Variants in TLR4 observed in about 807,000 individuals in gnomAD.
The protein encoded by TLR4 is toll like receptor 4, also known as toll-like receptor 4.
Under a neutral mutation model 27.4 loss-of-function variants are expected in TLR4, and 17 were observed. The observed-to-expected ratio is 0.62, with a 90% CI of 0.42 to 0.93. The LOEUF is 0.93. Ranked by LOEUF, TLR4 falls within the 40% of genes least tolerant of loss-of-function variation. The pLI is 0.00. For missense variants in TLR4, 926 were observed against 962.3 expected (o/e 0.96, Z 0.50); for synonymous variants, 363 against 365.7 (o/e 0.99, Z 0.08).
Position 117,716,389 on chromosome 9 carries a change from AGGG to A in TLR4, c.*1744_*1746del, listed in dbSNP as rs901381428. 1 of 152,218 alleles carries A rather than the reference AGGG, an allele frequency of 6.6e-6. No homozygotes were observed. The highest frequency in any genetic ancestry group is 2.4e-5 in the African/African-American group (1 of 41,456). 9.4% of individuals were successfully genotyped at this position (152,218 alleles called of 1,614,324 possible). ...ATGGGATATTATTCAGCCTAAAAAA[AGGG>A]GGAATCCTGTTATTTATGACAACAT... is the stretch of plus-strand genomic sequence containing the variant. On this transcript the variant is annotated 3_prime_UTR_variant, in exon 3 of 3. Transcript: ENST00000355622.
chr9:117,718,693 G>C lies in TLR4; in HGVS notation c.*4045G>C, dbSNP rs1052459896. 1.3e-5 allele frequency: 2 copies of C among 152,098 alleles called. No individual in the cohort carries two copies. The highest frequency in any genetic ancestry group is 4.8e-5 in the African/African-American group (2 of 41,420). 9.4% of individuals were successfully genotyped at this position (152,098 alleles called of 1,614,324 possible). On this transcript the variant is annotated 3_prime_UTR_variant, in exon 3 of 3. Transcript: ENST00000355622. ...AAGAATAGAACTATGACTTTGTAAG[G>C]TTGCTCTAAGGATTGAAAATCATGT...
Position 117,712,787 on chromosome 9 carries a change from C to T in TLR4, c.659C>T (p.Pro220Leu). ...LSLNPMNFIQ[P>L]GAFKEIRLHK... ...CTGAACCCTATGAACTTTATCCAAC[C>T]AGGTGCATTTAAAGAAATTAGGCTT... The change falls in exon 3 of 3, where the codon CCA (proline) becomes CTA (leucine). Residue 220 changes from proline to leucine, a missense_variant. Coordinates refer to ENST00000355622, the MANE Select transcript of TLR4 (RefSeq NM_138554.5). 6.2e-7 allele frequency: 1 copy of T among 1,614,014 alleles called. No individual in the cohort carries two copies. The highest frequency in any genetic ancestry group is 2.2e-5 in the East Asian group (1 of 44,868).
Position 117,714,012 on chromosome 9 carries a change from G to C in TLR4, c.1884G>C (p.Gln628His). Reference protein sequence around the residue: ...MPVLSLNITCQMNKTIIGVSV... With the variant: ...MPVLSLNITCHMNKTIIGVSV... ...TGCTGAGTTTGAATATCACCTGTCAGATGAATAAGACCATCATTGGTGTGT... is the reference window on the plus strand; with the variant it reads ...TGCTGAGTTTGAATATCACCTGTCACATGAATAAGACCATCATTGGTGTGT... Residue 628 changes from glutamine to histidine, a missense_variant, in exon 3 of 3, where the codon CAG becomes CAC. By Grantham distance (24) the Gln-to-His change is conservative. Transcript: ENST00000355622. The C allele has an allele frequency of 6.2e-7, 1 of 1,613,946 alleles. No homozygotes were observed. Among genetic ancestry groups the C allele is most frequent in the East Asian group, 2.2e-5 (1 of 44,824 alleles).
At chr9:117,712,269 A>T in intron 2 of TLR4, 120 bp from the exon 3 acceptor site, 1 of 1,003,520 alleles carries the variant, frequency 1.0e-6, no homozygotes, top group Admixed American at 2.0e-5. Flanking sequence ...GTCTTTGCCT[A>T]TGCACAATCA....
Position 117,718,203 on chromosome 9 carries a change from T to A in TLR4, c.*3555T>A, listed in dbSNP as rs1255709552. ...GTAGGAAAGTGACAAAACCTGAGCC[T>A]GGGCCTCCAGGTCACTCAAGGACAC... On this transcript the variant is annotated 3_prime_UTR_variant, in exon 3 of 3. Transcript: ENST00000355622. The A allele has an allele frequency of 5.3e-5, 8 of 152,136 alleles. No homozygotes were observed. The highest frequency in any genetic ancestry group is 5.2e-4 in the Admixed American group (8 of 15,250). 9.4% of individuals were successfully genotyped at this position (152,136 alleles called of 1,614,324 possible).
rs201651459 is a variant in TLR4, at chr9:117,708,741, A to G, written c.260+12A>G. 31 of 1,613,288 alleles carry G rather than the reference A, an allele frequency of 1.9e-5. No homozygotes were observed. Among genetic ancestry groups the G allele is most frequent in the Non-Finnish European group, 2.3e-5 (27 of 1,179,620 alleles). The stretch of plus-strand genomic sequence containing the variant: ...CTGGATTTATCCAGGTAATGAATCC[A>G]CTTTTACATACTGCACAAGGTGAGG... On this transcript the variant is annotated intron_variant, in intron 2 of 2. Coordinates refer to ENST00000355622, the MANE Select transcript of TLR4 (RefSeq NM_138554.5).
intron 2 of TLR4, among the ~76,000 whole-genome samples, chr9:117,712,101 ATTGATCTT>A (rs1319783198): frequency 1.3e-5 from 2 of 152,166 alleles, no homozygotes; most frequent in African/African-American, 2.4e-5. Flanking sequence ...TATGTCAATT[ATTGATCTT>A]TAACTGATTT....
Position 117,704,533 on chromosome 9 carries a change from G to A in TLR4, c.61G>A (p.Val21Met), listed in dbSNP as rs112840323. The change falls in exon 1 of 3, where the codon GTG becomes ATG. Residue 21 changes from valine (V) to methionine (M), a missense_variant. Physicochemically the swap from Val to Met is conservative, Grantham distance 21. Transcript: ENST00000355622. Reference sequence around the variant, plus strand: ...CCCAGCCATGGCCTTCCTCTCCTGCGTGAGACCAGAAAGCTGGGAGCCCTG... The same window carrying A: ...CCCAGCCATGGCCTTCCTCTCCTGCATGAGACCAGAAAGCTGGGAGCCCTG... ...LIPAMAFLSCVRPESWEPCVE... is the reference protein window; with the variant it reads ...LIPAMAFLSCMRPESWEPCVE... 85 of 1,613,790 alleles carry A rather than the reference G, an allele frequency of 5.3e-5. No homozygotes were observed. In the African/African-American group the frequency reaches 9.2e-4, roughly 17 times the overall value.
rs1358837049 is a variant in TLR4, at chr9:117,719,443, T to C, written c.*4795T>C. 1 of 152,274 alleles carries C rather than the reference T, an allele frequency of 6.6e-6. No individual in the cohort carries two copies. Among genetic ancestry groups the C allele is most frequent in the South Asian group, 2.1e-4 (1 of 4,826 alleles). 9.4% of individuals were successfully genotyped at this position (152,274 alleles called of 1,614,324 possible). On this transcript the variant is annotated 3_prime_UTR_variant, in exon 3 of 3. Transcript: ENST00000355622. Reference sequence around the variant, plus strand: ...GTTCTATGGCAAGAGCACCCTGCTCTCACAAAATGCATAAAACTTCCTATC... The same window carrying C: ...GTTCTATGGCAAGAGCACCCTGCTCCCACAAAATGCATAAAACTTCCTATC...
At position 117,708,244 on chromosome 9, in the gene TLR4, T is replaced by G. The variant is rs149593008; in HGVS notation, c.94-319T>G. ...GAAGAGCTGGCATGAAACCCAGAGC[T>G]TTCAGACTCCGGAGCCTCAGCCCTT... On this transcript the variant is annotated intron_variant, in intron 1 of 2. Coordinates refer to ENST00000355622, the MANE Select transcript of TLR4 (RefSeq NM_138554.5). 9.8e-6 allele frequency: 11 copies of G among 1,118,592 alleles called. No homozygotes were observed. In the Admixed American group the frequency reaches 3.9e-4, roughly 40 times the overall value. The allele number at this position is 1,118,592 out of a possible 1,614,324, so 69.3% of individuals were successfully genotyped here.
At chr9:117,708,092 G>A in intron 1 of TLR4, 1 of 702,980 alleles carries the variant, frequency 1.4e-6, no homozygotes, top group Non-Finnish European at 1.8e-6. Context: ...ATGTGCTACT[G>A]CAGCAAGCAC....
chr9:117,709,135 T>C (rs1005549925), intron 2 of TLR4, among the ~76,000 whole-genome samples: 36 of 152,318 alleles, frequency 2.4e-4, no homozygotes, highest in African/African-American at 8.4e-4. Context: ...AAAGAGTTAA[T>C]ACCTTAAAGT....
Position 117,708,713 on chromosome 9 carries a change from G to A in TLR4, c.244G>A (p.Val82Met), listed in dbSNP as rs1183967929. ...CTTCTTCAGTTTCCCAGAACTGCAGGTGCTGGATTTATCCAGGTAATGAAT... is the reference window on the plus strand; with the variant it reads ...CTTCTTCAGTTTCCCAGAACTGCAGATGCTGGATTTATCCAGGTAATGAAT... ...YSFFSFPELQVLDLSRCEIQT... is the reference protein window; with the variant it reads ...YSFFSFPELQMLDLSRCEIQT... Residue 82 changes from valine to methionine, a missense_variant, in exon 2 of 3, where the codon GTG (valine) becomes ATG (methionine). Transcript: ENST00000355622. 6.2e-7 allele frequency: 1 copy of A among 1,613,852 alleles called. No homozygotes were observed. Among genetic ancestry groups the A allele is most frequent in the Admixed American group, 1.7e-5 (1 of 60,004 alleles).
At position 117,713,747 on chromosome 9, in the gene TLR4, A is replaced by G. The variant is rs545104922; in HGVS notation, c.1619A>G (p.Tyr540Cys). Residue 540 changes from tyrosine to cysteine, a missense_variant, in exon 3 of 3, where the codon TAT becomes TGT. By Grantham distance (194) the Tyr-to-Cys change is radical (BLOSUM62 -2). Transcript: ENST00000355622. ...TTCTTTTCATTGGATACGTTTCCTT[A>G]TAAGTGTCTGAACTCCCTCCAGGTT... Reference protein sequence around the residue: ...NNFFSLDTFPYKCLNSLQVLD... With the variant: ...NNFFSLDTFPCKCLNSLQVLD... The G allele has an allele frequency of 7.4e-6, 12 of 1,614,016 alleles. No homozygotes were observed. In the Admixed American group the frequency reaches 1.0e-4, roughly 13 times the overall value.
Position 117,718,867 on chromosome 9 carries a change from A to T in TLR4, c.*4219A>T, listed in dbSNP as rs1829389775. 1 of 152,190 alleles carries T rather than the reference A, an allele frequency of 6.6e-6. No homozygotes were observed. Among genetic ancestry groups the T allele is most frequent in the African/African-American group, 2.4e-5 (1 of 41,458 alleles). 9.4% of individuals were successfully genotyped at this position (152,190 alleles called of 1,614,324 possible). ...TCCAGCCTGTGGAACCACAGAAGTG[A>T]CTGTAACTAAAATTAGACATTTCTT... On this transcript the variant is annotated 3_prime_UTR_variant, in exon 3 of 3. Coordinates refer to ENST00000355622, the MANE Select transcript of TLR4 (RefSeq NM_138554.5).
rs1259942167 is a variant in TLR4, at chr9:117,706,485, C to T, written c.93+1920C>T. 3.9e-5 allele frequency among the ~76,000 whole-genome samples: 6 copies of T among 152,080 alleles called. No individual in the cohort carries two copies. The South Asian group carries it at 6.2e-4, about 16-fold the overall frequency. ...TTTCCAGTGGCCAGCACACAGTAGC[C>T]GCTAGATGTGTAAGTGATAAATGAT... is the stretch of plus-strand genomic sequence containing the variant. On this transcript the variant is annotated intron_variant, in intron 1 of 2. Coordinates refer to ENST00000355622, the MANE Select transcript of TLR4 (RefSeq NM_138554.5).
intron 2 of TLR4, 46 bp from the exon 3 acceptor site, chr9:117,712,343 T>C: frequency 6.4e-7 from 1 of 1,561,350 alleles, no homozygotes; most frequent in Non-Finnish European, 8.8e-7. Context: ...TTTAGGTTCT[T>C]ATTCAGCAGA....
At position 117,720,547 on chromosome 9, in the gene TLR4, G is replaced by A. The variant is rs1008883187; in HGVS notation, c.*5899G>A. The stretch of plus-strand genomic sequence containing the variant: ...TTTCTGAAAGGCTGCAAGCAGTTCT[G>A]GGAATGGCAATAAAGGTTTAGAAAT... On this transcript the variant is annotated 3_prime_UTR_variant, in exon 3 of 3. Coordinates refer to ENST00000355622, the MANE Select transcript of TLR4 (RefSeq NM_138554.5). 2.0e-5 allele frequency: 3 copies of A among 152,158 alleles called. No homozygotes were observed. The highest frequency in any genetic ancestry group is 6.5e-5 in the Admixed American group (1 of 15,274). The allele number at this position is 152,158 out of a possible 1,614,324, so 9.4% of individuals were successfully genotyped here. A position where few individuals can be genotyped will look rare whatever the true frequency, so the allele number is the denominator to read the frequency against.
chr9:117,704,596 T>G (rs1311043047), intron 1 of TLR4, 31 bp downstream of exon 1: 2 of 1,585,412 alleles, frequency 1.3e-6, no homozygotes, highest in Non-Finnish European at 1.7e-6. Context: ...CCTCTGAACT[T>G]TCCCTCACTT....
Sources: gnomAD v4.1 joint callset for allele counts (sites outside exome capture counted in the v4.1 genomes callset) on GRCh38, gnomAD v4.1.1 for gene constraint, MANE v1.5 for transcripts, NCBI Gene and HGNC (gene_info 2026-07-23, HGNC 2026-07-21) for gene names.